Variants in SGCZ observed in about 807,000 individuals in gnomAD.
The protein encoded by SGCZ is sarcoglycan zeta, also known as zeta-sarcoglycan.
A neutral mutation model predicts 41.3 loss-of-function variants in SGCZ; 40 were observed. The ratio of observed to expected loss-of-function variants is 0.97; its 90% CI spans 0.75 to 1.26. The LOEUF is 1.26. Ranked by LOEUF, SGCZ falls within the 50% of genes most tolerant of loss-of-function variation. The pLI, the probability that SGCZ is intolerant of heterozygous loss-of-function variation, is 0.00. For missense variants in SGCZ, 552 were observed against 369.8 expected, an observed-to-expected ratio of 1.49 and a Z score of -4.04; for synonymous variants, 206 against 137.5, an observed-to-expected ratio of 1.50 and a Z score of -3.49.
At chr8:15,132,654 G>A (rs753469203) in intron 1 of SGCZ, among the ~76,000 whole-genome samples, 1 of 152,076 alleles carries the variant, frequency 6.6e-6, no homozygotes, top group African/African-American at 2.4e-5. Context: ...AAAATTTAAC[G>A]AGTTGTGAGA....
At chr8:14,241,725 A>G (rs1352663779) in intron 3 of SGCZ, among the ~76,000 whole-genome samples, 1 of 152,072 alleles carries the variant, frequency 6.6e-6, no homozygotes, top group Non-Finnish European at 1.5e-5. Context: ...CAGATAGGTG[A>G]TCCAGTTAGA....
chr8:14,845,242 C>A (rs563935423), intron 1 of SGCZ, among the ~76,000 whole-genome samples: 2 of 152,256 alleles, frequency 1.3e-5, no homozygotes, highest in South Asian at 4.1e-4. Flanking sequence ...CAGTAAAACA[C>A]ACAGATGCAT....
At chr8:14,542,934 T>C (rs543066088) in intron 2 of SGCZ, among the ~76,000 whole-genome samples, 12 of 152,000 alleles carry the variant, frequency 7.9e-5, no homozygotes, top group Non-Finnish European at 1.6e-4. Context: ...AACACTGACA[T>C]ATATAGGGCC....
At chr8:14,738,415 T>C (rs563495663) in intron 1 of SGCZ, among the ~76,000 whole-genome samples, 1 of 152,200 alleles carries the variant, frequency 6.6e-6, no homozygotes, top group African/African-American at 2.4e-5. Flanking sequence ...AAAAAGTAAA[T>C]GATATAAGCC....
intron 2 of SGCZ, among the ~76,000 whole-genome samples, chr8:14,395,588 A>G (rs1798893006): frequency 6.6e-6 from 1 of 152,158 alleles, no homozygotes; most frequent in Non-Finnish European, 1.5e-5. Flanking sequence ...TAATATTGAA[A>G]GGAGTATTGA....
At chr8:15,035,492 G>A (rs779457028) in intron 1 of SGCZ, among the ~76,000 whole-genome samples, 24 of 152,038 alleles carry the variant, frequency 1.6e-4, no homozygotes, top group African/African-American at 3.1e-4. Flanking sequence ...GTTGTAAATC[G>A]TTACCTATAA....
intron 5 of SGCZ, among the ~76,000 whole-genome samples, chr8:14,132,865 G>C (rs965246986): frequency 4.6e-5 from 7 of 152,076 alleles, no homozygotes; most frequent in Admixed American, 2.0e-4. Context: ...TTTTAAAATT[G>C]TAGGAATTTA....
chr8:15,206,145 T>C (rs369016252), intron 1 of SGCZ, among the ~76,000 whole-genome samples: 2 of 152,170 alleles, frequency 1.3e-5, no homozygotes, highest in East Asian at 1.9e-4. Context: ...AGTTTACCTA[T>C]GCAACAAACC....
chr8:15,090,831 C>A (rs1318157776), intron 1 of SGCZ, among the ~76,000 whole-genome samples: 1 of 152,050 alleles, frequency 6.6e-6, no homozygotes, highest in Non-Finnish European at 1.5e-5. Context: ...GAAAGGTTGC[C>A]CAGTTAATCT....
intron 4 of SGCZ, among the ~76,000 whole-genome samples, chr8:14,227,483 G>A (rs1368003625): frequency 6.6e-6 from 1 of 151,886 alleles, no homozygotes; most frequent in African/African-American, 2.4e-5. Context: ...AGGATTATTG[G>A]ATCAAAACAT....
In SGCZ at chr8:14,970,141, G is replaced by C. The variant is rs142378328; in HGVS notation, c.39+267444C>G. On this transcript the variant is annotated intron_variant, in intron 1 of 7. Transcript: ENST00000382080. ...AATTCATCTTTCTCTAATAACTAATGATGTTGAGCATCTTTCCATAAGCTT... is the reference window on the plus strand; with the variant it reads ...AATTCATCTTTCTCTAATAACTAATCATGTTGAGCATCTTTCCATAAGCTT... Among the ~76,000 whole-genome samples, 1,332 of 152,158 alleles carry C rather than the reference G, an allele frequency of 8.8e-3. 27 individuals are homozygous for C. The highest frequency in any genetic ancestry group is 0.031 in the African/African-American group (1,283 of 41,534).
chr8:14,842,375 A>G (rs1177037920), intron 1 of SGCZ, among the ~76,000 whole-genome samples: 4 of 151,936 alleles, frequency 2.6e-5, no homozygotes, highest in African/African-American at 9.7e-5. Flanking sequence ...AAAAAAGAGA[A>G]GAAAGGAAGG....
At chr8:14,371,257 G>A (rs1803899051) in intron 2 of SGCZ, among the ~76,000 whole-genome samples, 1 of 151,876 alleles carries the variant, frequency 6.6e-6, no homozygotes, top group Non-Finnish European at 1.5e-5. Context: ...GACAATTAGT[G>A]ACTCAGTCTC....
intron 1 of SGCZ, among the ~76,000 whole-genome samples, chr8:14,568,081 G>T (rs1344189849): frequency 1.3e-5 from 2 of 152,102 alleles, no homozygotes; most frequent in Non-Finnish European, 2.9e-5. Flanking sequence ...AAGAACCTTT[G>T]CAGGCACATG....
At chr8:14,212,272 G>A (rs1037254593) in intron 4 of SGCZ, among the ~76,000 whole-genome samples, 4 of 151,974 alleles carry the variant, frequency 2.6e-5, no homozygotes, top group African/African-American at 9.7e-5. Context: ...AGAGAAAAAG[G>A]CTAGTGAAAA....
intron 1 of SGCZ, among the ~76,000 whole-genome samples, chr8:15,004,319 G>A (rs148627926): frequency 1.1e-3 from 172 of 152,222 alleles, no homozygotes; most frequent in African/African-American, 3.9e-3. Flanking sequence ...TGCAACACCA[G>A]GCCCACGCAT....
chr8:15,058,333 G>A (rs1187093879), intron 1 of SGCZ, among the ~76,000 whole-genome samples: 2 of 152,052 alleles, frequency 1.3e-5, no homozygotes, highest in African/African-American at 4.8e-5. Context: ...CTCATGGGGT[G>A]AAAAAATGGC....
chr8:14,353,443 C>T (rs1268053604), intron 2 of SGCZ, among the ~76,000 whole-genome samples: 1 of 151,952 alleles, frequency 6.6e-6, no homozygotes, highest in African/African-American at 2.4e-5. Context: ...GAACCCAGAC[C>T]ACTATTTTCA....
chr8:14,464,486 A>ATAT (rs1195978207), intron 2 of SGCZ, among the ~76,000 whole-genome samples: 1 of 135,934 alleles, frequency 7.4e-6, no homozygotes, highest in African/African-American at 2.6e-5. Flanking sequence ...TTTGAGTGGT[A>ATAT]TTTTTTTTTT....
Sources: allele counts gnomAD v4.1 joint callset (sites outside exome capture counted in the v4.1 genomes callset), GRCh38; gene constraint gnomAD v4.1.1; transcripts MANE v1.5; gene names NCBI Gene and HGNC (gene_info 2026-07-23, HGNC 2026-07-21).